Variants in SLCO3A1 observed in about 807,000 individuals in gnomAD.
SLCO3A1 encodes the protein PGE1 transporter.
SLCO3A1 carries 27 observed loss-of-function variants against 63.1 expected under a neutral mutation model. The observed-to-expected ratio is 0.43, with a 90% CI of 0.32 to 0.59. The LOEUF is 0.59. Among genes scored for constraint, SLCO3A1 ranks in the 20% least tolerant of loss-of-function variants. The pLI, the probability that SLCO3A1 is intolerant of heterozygous loss-of-function variation, is 0.09. For missense variants in SLCO3A1, 773 were observed against 945.8 expected (o/e 0.82, Z 2.40); for synonymous variants, 473 against 409.9 (o/e 1.15, Z -1.86).
At chr15:91,997,830 C>T (rs2046209530) in intron 2 of SLCO3A1, among the ~76,000 whole-genome samples, 2 of 152,232 alleles carry the variant, frequency 1.3e-5, no homozygotes, top group Non-Finnish European at 2.9e-5. Context: ...AAACTGGACC[C>T]CTATCTTTCA....
At chr15:91,999,332 A>G (rs2046226695) in intron 2 of SLCO3A1, among the ~76,000 whole-genome samples, 1 of 152,256 alleles carries the variant, frequency 6.6e-6, no homozygotes, top group South Asian at 2.1e-4. Context: ...ACATATGGAC[A>G]GAAGATTTGT....
At chr15:91,904,524 G>T (rs574878947) in intron 1 of SLCO3A1, among the ~76,000 whole-genome samples, 34 of 152,254 alleles carry the variant, frequency 2.2e-4, no homozygotes, top group African/African-American at 7.9e-4. Flanking sequence ...AATATCCATT[G>T]GTCCTGTGAT....
chr15:91,941,942 G>T lies in SLCO3A1; in HGVS notation c.646+25484G>T, dbSNP rs915556043. ...GCTACAAATGGGGGCTTGCACCAGC[G>T]TACTGGCTGAGGACTGCCTGCCTTT... is the stretch of plus-strand genomic sequence containing the variant. On this transcript the variant is annotated intron_variant, in intron 2 of 9. Transcript: ENST00000318445. The surrounding 1 kb of genome is among the most constrained non-coding windows in gnomAD (Gnocchi z 4.4). Among the ~76,000 whole-genome samples the T allele has an allele frequency of 6.6e-6, 1 of 152,194 alleles. No homozygotes were observed. Among genetic ancestry groups the T allele is most frequent in the Non-Finnish European group, 1.5e-5 (1 of 68,036 alleles).
chr15:92,128,297 C>T (rs1242133050), intron 6 of SLCO3A1, 54 bp from the exon 7 acceptor site: 1 of 1,610,728 alleles, frequency 6.2e-7, no homozygotes, highest in Non-Finnish European at 8.5e-7. Context: ...CTGGGGGCAT[C>T]TGATTCCGAA....
intron 2 of SLCO3A1, among the ~76,000 whole-genome samples, chr15:92,061,147 C>G (rs1378739911): frequency 2.0e-5 from 3 of 152,224 alleles, no homozygotes; most frequent in East Asian, 1.9e-4. Flanking sequence ...AGCATTTTCC[C>G]TCTTTTCTAC....
intron 2 of SLCO3A1, among the ~76,000 whole-genome samples, chr15:91,934,126 A>G (rs567729411): frequency 6.6e-6 from 1 of 152,300 alleles, no homozygotes; most frequent in Non-Finnish European, 1.5e-5. Context: ...CTCATTGACA[A>G]TAATCAGTAT....
chr15:92,036,511 G>A (rs187545667), intron 2 of SLCO3A1, among the ~76,000 whole-genome samples: 28 of 152,174 alleles, frequency 1.8e-4, no homozygotes, highest in Admixed American at 1.0e-3. Flanking sequence ...CCTGGGCAGC[G>A]GCATTGCTTA....
In SLCO3A1 at chr15:91,865,613, G is replaced by A. The variant is rs914621243; in HGVS notation, c.180+11525G>A. ...TCATGGCATGTGGGGGTGGCCAAGG[G>A]TCCTTGGATTCCTTGGCTCGCAGCT... On this transcript the variant is annotated intron_variant, in intron 1 of 9. Transcript: ENST00000318445. The surrounding 1 kb of genome is among the most constrained non-coding windows in gnomAD (Gnocchi z 4.6). Among the ~76,000 whole-genome samples the A allele has an allele frequency of 3.3e-5, 5 of 152,266 alleles. No homozygotes were observed. The highest frequency in any genetic ancestry group is 9.6e-5 in the African/African-American group (4 of 41,548).
At chr15:92,100,699 C>T (rs750288478) in intron 3 of SLCO3A1, among the ~76,000 whole-genome samples, 3 of 152,152 alleles carry the variant, frequency 2.0e-5, no homozygotes, top group Admixed American at 6.5e-5. Flanking sequence ...TCTTATAGAA[C>T]GTGGATTTCT....
chr15:91,975,336 C>G (rs1415770119), intron 2 of SLCO3A1, among the ~76,000 whole-genome samples: 2 of 152,222 alleles, frequency 1.3e-5, no homozygotes, highest in Non-Finnish European at 2.9e-5. Flanking sequence ...CCACCCCACC[C>G]CCTTGTCCCA....
intron 2 of SLCO3A1, among the ~76,000 whole-genome samples, chr15:91,943,483 C>T (rs1899693315): frequency 6.6e-6 from 1 of 152,182 alleles, no homozygotes; most frequent in Admixed American, 6.5e-5. Flanking sequence ...ATCCATTCAT[C>T]TGCTATGGAC....
intron 2 of SLCO3A1, among the ~76,000 whole-genome samples, chr15:91,940,037 C>T (rs567142106): frequency 6.6e-6 from 1 of 152,292 alleles, no homozygotes; most frequent in East Asian, 1.9e-4. Context: ...CGGGAGCTCT[C>T]ACCACATGTT....
At chr15:92,161,364 C>G (rs2048434421) in intron 9 of SLCO3A1, among the ~76,000 whole-genome samples, 1 of 152,120 alleles carries the variant, frequency 6.6e-6, no homozygotes, top group East Asian at 1.9e-4. Flanking sequence ...ATGGGACACC[C>G]TGGATGATGA....
chr15:92,035,900 G>C (rs1428657888), intron 2 of SLCO3A1, among the ~76,000 whole-genome samples: 1 of 151,848 alleles, frequency 6.6e-6, no homozygotes, highest in Non-Finnish European at 1.5e-5. Context: ...GGTCCCTGGA[G>C]GCTGGTCCCA....
At chr15:92,081,629 A>G (rs1160956683) in intron 2 of SLCO3A1, among the ~76,000 whole-genome samples, 2 of 152,178 alleles carry the variant, frequency 1.3e-5, no homozygotes, top group African/African-American at 4.8e-5. Flanking sequence ...CGGCCTCCCA[A>G]AGTCCTGGGA....
chr15:92,061,099 T>A (rs529956423), intron 2 of SLCO3A1, among the ~76,000 whole-genome samples: 10 of 152,394 alleles, frequency 6.6e-5, no homozygotes. Context: ...TTATACGTGT[T>A]CGGTGAGTAA....
rs143025283 is a variant in SLCO3A1, at chr15:92,023,176, C to T, written c.647-71705C>T. On this transcript the variant is annotated intron_variant, in intron 2 of 9. Coordinates refer to ENST00000318445, the MANE Select transcript of SLCO3A1 (RefSeq NM_013272.4). The stretch of plus-strand genomic sequence containing the variant: ...GGCACTAAGTACGCTAAAGCCACCT[C>T]GAGGATTCCTTGATATTTCCCTGCA... 5.3e-5 allele frequency among the ~76,000 whole-genome samples: 8 copies of T among 152,234 alleles called. No homozygotes were observed. In the East Asian group the frequency reaches 1.4e-3, roughly 26 times the overall value.
At chr15:91,881,324 C>G (rs1189241405) in intron 1 of SLCO3A1, among the ~76,000 whole-genome samples, 1 of 150,712 alleles carries the variant, frequency 6.6e-6, no homozygotes, top group African/African-American at 2.4e-5. Flanking sequence ...GATTTTCTAA[C>G]TGGTCATGTG....
chr15:92,071,950 C>A (rs990683526), intron 2 of SLCO3A1, among the ~76,000 whole-genome samples: 1 of 152,196 alleles, frequency 6.6e-6, no homozygotes, highest in East Asian at 1.9e-4. Flanking sequence ...GGCCTCTCAA[C>A]CAGGGTCCTT....
Sources: gnomAD v4.1 joint callset for allele counts (sites outside exome capture counted in the v4.1 genomes callset) on GRCh38, gnomAD v4.1.1 for gene constraint, Gnocchi (gnomAD v3.1) non-coding constraint, MANE v1.5 for transcripts, NCBI Gene and HGNC (gene_info 2026-07-23, HGNC 2026-07-21) for gene names.